Variants in RBFOX1 observed in about 807,000 individuals in gnomAD.
RBFOX1 encodes the protein RNA binding fox-1 homolog 1, also known as RNA binding protein fox-1 homolog 1.
Under a neutral mutation model 57.7 loss-of-function variants are expected in RBFOX1, and 8 were observed. The ratio of observed to expected loss-of-function variants is 0.14; its 90% CI spans 0.08 to 0.25. The LOEUF is 0.25. RBFOX1 is among the 10% of genes least tolerant of loss of function. The pLI is 1.00. For synonymous variants in RBFOX1, 326 were observed against 222.4 expected (o/e 1.47, Z -4.15); for missense variants, 611 against 548.5 (o/e 1.11, Z -1.14).
chr16:7,551,998 A>G (rs537558143), intron 5 of RBFOX1, among the ~76,000 whole-genome samples: 4 of 152,124 alleles, frequency 2.6e-5, no homozygotes, highest in African/African-American at 9.6e-5. Context: ...CACATCCTCC[A>G]TTTCTTCATT....
chr16:6,885,507 A>G (rs1042243840), intron 3 of RBFOX1, among the ~76,000 whole-genome samples: 3 of 151,610 alleles, frequency 2.0e-5, no homozygotes, highest in African/African-American at 7.3e-5. Context: ...GGTGCATTAA[A>G]TCTACTTCTG....
chr16:7,287,153 A>T (rs1370966068), intron 4 of RBFOX1, among the ~76,000 whole-genome samples: 1 of 152,202 alleles, frequency 6.6e-6, no homozygotes, highest in Non-Finnish European at 1.5e-5. Flanking sequence ...CTTAATAGAG[A>T]GAGAAGATTA....
intron 3 of RBFOX1, among the ~76,000 whole-genome samples, chr16:6,724,888 A>G (rs554433907): frequency 7.6e-4 from 115 of 152,182 alleles, no homozygotes; most frequent in African/African-American, 2.6e-3. Context: ...CCCCAAAGCC[A>G]TATAGGGTAA....
Position 6,799,776 on chromosome 16 carries a change from G to C in RBFOX1, c.-16+145126G>C, listed in dbSNP as rs117646205. Among the ~76,000 whole-genome samples the C allele has an allele frequency of 4.6e-5, 7 of 152,144 alleles. No homozygotes were observed. In the East Asian group the frequency reaches 1.4e-3, roughly 29 times the overall value. ...CTCCAGGTTCTTTAGCCTTTGGACC[G>C]CTGGACTTAACACCAGTGGTTTGCT... On this transcript the variant is annotated intron_variant, in intron 3 of 15. Coordinates refer to ENST00000550418, the MANE Select transcript of RBFOX1 (RefSeq NM_018723.4).
intron 3 of RBFOX1, among the ~76,000 whole-genome samples, chr16:5,691,291 T>G (rs1251778760): frequency 6.6e-6 from 1 of 152,208 alleles, no homozygotes; most frequent in Non-Finnish European, 1.5e-5. Flanking sequence ...AGAAACATTG[T>G]ATGCGGTACA....
intron 2 of RBFOX1, among the ~76,000 whole-genome samples, chr16:6,652,632 T>A (rs539621472): frequency 1.3e-5 from 2 of 152,154 alleles, no homozygotes; most frequent in South Asian, 4.2e-4. Flanking sequence ...AAAATAAACT[T>A]CAGTCGTTGA....
chr16:5,363,205 T>C (rs2065605086), intron 1 of RBFOX1, among the ~76,000 whole-genome samples: 1 of 151,234 alleles, frequency 6.6e-6, no homozygotes, highest in South Asian at 2.1e-4. Context: ...GGCTATTTTT[T>C]TTTTTTTTTT....
At chr16:7,447,951 C>T (rs2098821478) in intron 4 of RBFOX1, among the ~76,000 whole-genome samples, 2 of 152,192 alleles carry the variant, frequency 1.3e-5, no homozygotes, top group African/African-American at 4.8e-5. Flanking sequence ...TAGGTCCCTT[C>T]CAAAGTACTG....
intron 1 of RBFOX1, among the ~76,000 whole-genome samples, chr16:6,199,458 T>G (rs1413881779): frequency 6.6e-6 from 1 of 152,188 alleles, no homozygotes; most frequent in Non-Finnish European, 1.5e-5. Flanking sequence ...CTTTCCAGGA[T>G]GAATCAGTAG....
chr16:5,515,155 C>A (rs1023124485), intron 2 of RBFOX1, among the ~76,000 whole-genome samples: 2 of 152,228 alleles, frequency 1.3e-5, no homozygotes, highest in African/African-American at 4.8e-5. Context: ...AAACACCTCC[C>A]ACTTCAATAC....
At chr16:7,205,971 A>C (rs917066164) in intron 4 of RBFOX1, among the ~76,000 whole-genome samples, 4 of 152,230 alleles carry the variant, frequency 2.6e-5, no homozygotes, top group African/African-American at 9.6e-5. Context: ...TTGATCTACG[A>C]CATGATGAGC....
chr16:6,955,347 T>TTCACAC (rs2081560897), intron 3 of RBFOX1, among the ~76,000 whole-genome samples: 1 of 79,600 alleles, frequency 1.3e-5, no homozygotes, highest in African/African-American at 6.9e-5. Context: ...TCCCCACATA[T>TTCACAC]GCACACACAC....
chr16:6,677,615 T>C (rs374440086), intron 3 of RBFOX1, among the ~76,000 whole-genome samples: 1 of 152,324 alleles, frequency 6.6e-6, no homozygotes, highest in South Asian at 2.1e-4. Flanking sequence ...CAATCAAAGA[T>C]AAAATCTCAT....
intron 4 of RBFOX1, among the ~76,000 whole-genome samples, chr16:7,171,575 T>G (rs917044950): frequency 6.6e-6 from 1 of 152,180 alleles, no homozygotes; most frequent in Non-Finnish European, 1.5e-5. Context: ...GTGTTTAGAA[T>G]GTAATTTTCT....
At chr16:6,920,285 A>G (rs151090046) in intron 3 of RBFOX1, among the ~76,000 whole-genome samples, 397 of 152,244 alleles carry the variant, frequency 2.6e-3, no homozygotes, top group African/African-American at 8.7e-3. Context: ...CCTTTGGTAG[A>G]TATCCAGTAG....
chr16:6,939,506 C>CTTTTCT (rs1555651253), intron 3 of RBFOX1, among the ~76,000 whole-genome samples: 14,539 of 112,768 alleles, frequency 0.13, 2,495 homozygotes, highest in African/African-American at 0.43. Context: ...ATTTTTCTTT[C>CTTTTCT]TTTTTTTTTT....
intron 2 of RBFOX1, among the ~76,000 whole-genome samples, chr16:5,468,352 C>G (rs1298138171): frequency 6.6e-6 from 1 of 152,106 alleles, no homozygotes; most frequent in Non-Finnish European, 1.5e-5. Context: ...CCCTGTTGTT[C>G]TCCTCTCCCT....
At chr16:6,985,546 G>C (rs1478184475) in intron 3 of RBFOX1, among the ~76,000 whole-genome samples, 1 of 151,954 alleles carries the variant, frequency 6.6e-6, no homozygotes, top group Non-Finnish European at 1.5e-5. Context: ...GATTAGACAG[G>C]GCTGGGAGCA....
At chr16:7,428,755 T>G (rs890645217) in intron 4 of RBFOX1, among the ~76,000 whole-genome samples, 15 of 151,950 alleles carry the variant, frequency 9.9e-5, no homozygotes, top group Non-Finnish European at 1.6e-4. Flanking sequence ...TATATGTGGA[T>G]TTTTCTTTCT....
Sources: allele counts gnomAD v4.1 joint callset (sites outside exome capture counted in the v4.1 genomes callset), GRCh38; gene constraint gnomAD v4.1.1; transcripts MANE v1.5; gene names NCBI Gene and HGNC (gene_info 2026-07-23, HGNC 2026-07-21).